The following DLGAP2 variants were observed in gnomAD, a reference collection of about 807,000 sequenced individuals.
DLGAP2 encodes DLG associated protein 2.
A neutral mutation model predicts 100.3 loss-of-function variants in DLGAP2; 26 were observed. The observed-to-expected ratio is 0.26, with a 90% CI of 0.19 to 0.36. DLGAP2 has a LOEUF of 0.36. DLGAP2 is among the 10% of genes least tolerant of loss of function. The probability of loss-of-function intolerance (pLI) is 1.00; values close to 1 mark genes in which losing one functional copy is unlikely to be tolerated. For missense variants in DLGAP2, 1,858 were observed against 1,453.2 expected (o/e 1.28, Z -4.53); for synonymous variants, 886 against 630.1 (o/e 1.41, Z -6.08).
At chr8:1,115,006 A>G (rs1245242935) in intron 2 of DLGAP2, among the ~76,000 whole-genome samples, 1 of 152,130 alleles carries the variant, frequency 6.6e-6, no homozygotes, top group Admixed American at 6.5e-5. Flanking sequence ...CATGGTTTTG[A>G]GTGATTTTCT....
intron 2 of DLGAP2, among the ~76,000 whole-genome samples, chr8:963,038 C>A (rs1485249970): frequency 1.3e-5 from 2 of 152,206 alleles, no homozygotes; most frequent in Admixed American, 1.3e-4. Context: ...TGCTGTGCCC[C>A]TCTCATCCGG....
chr8:864,579 A>G (rs1368610397), intron 1 of DLGAP2, among the ~76,000 whole-genome samples: 1 of 152,186 alleles, frequency 6.6e-6, no homozygotes, highest in Non-Finnish European at 1.5e-5. Context: ...TTATCAAGCT[A>G]CTTCCACATG....
At chr8:1,554,467 C>T (rs950864869) in intron 5 of DLGAP2, among the ~76,000 whole-genome samples, 3 of 152,136 alleles carry the variant, frequency 2.0e-5, no homozygotes, top group Non-Finnish European at 2.9e-5. Flanking sequence ...CACAGGCCCA[C>T]CTCCACATGC....
At chr8:769,855 G>A (rs896919985) in intron 1 of DLGAP2, among the ~76,000 whole-genome samples, 31 of 152,046 alleles carry the variant, frequency 2.0e-4, no homozygotes, top group African/African-American at 7.0e-4. Context: ...GACATGTTAC[G>A]GAAAACATGA....
chr8:750,718 T>G (rs1013337939), intron 1 of DLGAP2, among the ~76,000 whole-genome samples: 1 of 152,252 alleles, frequency 6.6e-6, no homozygotes, highest in Non-Finnish European at 1.5e-5. Flanking sequence ...CCATCTACCA[T>G]GCAGCCCCCA....
At chr8:1,321,135 C>T (rs1173957851) in intron 3 of DLGAP2, among the ~76,000 whole-genome samples, 2 of 151,562 alleles carry the variant, frequency 1.3e-5, no homozygotes, top group African/African-American at 4.9e-5. Flanking sequence ...CCATGTGTCT[C>T]TGCATGTGTG....
At chr8:1,417,566 G>T (rs1257971393) in intron 3 of DLGAP2, among the ~76,000 whole-genome samples, 1 of 146,928 alleles carries the variant, frequency 6.8e-6, no homozygotes, top group Non-Finnish European at 1.5e-5. Context: ...CAGAACAGGG[G>T]AGGAGAGGAG....
At chr8:785,246 A>T (rs2132629836) in intron 1 of DLGAP2, among the ~76,000 whole-genome samples, 1 of 145,012 alleles carries the variant, frequency 6.9e-6, no homozygotes, top group African/African-American at 2.5e-5. Context: ...AAAAAAAAAA[A>T]AAAAAAGGCA....
At chr8:1,281,606 C>A (rs1799814882) in intron 3 of DLGAP2, among the ~76,000 whole-genome samples, 1 of 152,186 alleles carries the variant, frequency 6.6e-6, no homozygotes, top group Admixed American at 6.5e-5. Flanking sequence ...CGTCCTCATT[C>A]TCATTGGGGA....
chr8:1,345,348 T>C (rs1713827082), intron 3 of DLGAP2, among the ~76,000 whole-genome samples: 1 of 151,258 alleles, frequency 6.6e-6, no homozygotes, highest in Non-Finnish European at 1.5e-5. Flanking sequence ...AACACACTTG[T>C]TAGATTTCTT....
At chr8:1,639,725 C>G (rs1409910141) in intron 8 of DLGAP2, among the ~76,000 whole-genome samples, 1 of 152,222 alleles carries the variant, frequency 6.6e-6, no homozygotes, top group Non-Finnish European at 1.5e-5. Context: ...AACATCAGGT[C>G]GTTCTGGAGG....
At chr8:1,448,288 C>G (rs1159271051) in intron 3 of DLGAP2, among the ~76,000 whole-genome samples, 1 of 152,012 alleles carries the variant, frequency 6.6e-6, no homozygotes. Context: ...TATGTTGTGT[C>G]TTTGTTCTCG....
At chr8:1,110,276 G>C (rs1804910121) in intron 2 of DLGAP2, among the ~76,000 whole-genome samples, 2 of 144,918 alleles carry the variant, frequency 1.4e-5, no homozygotes, top group South Asian at 4.5e-4. Flanking sequence ...ACATGTGCTG[G>C]ATCTGTGAGG....
chr8:1,361,020 G>C (rs1340969126), intron 3 of DLGAP2, among the ~76,000 whole-genome samples: 1 of 152,216 alleles, frequency 6.6e-6, no homozygotes, highest in Non-Finnish European at 1.5e-5. Context: ...CCTGAGAAGG[G>C]GAAGGAAACT....
intron 2 of DLGAP2, among the ~76,000 whole-genome samples, chr8:1,169,956 G>T (rs1797094453): frequency 6.6e-6 from 1 of 151,866 alleles, no homozygotes; most frequent in Non-Finnish European, 1.5e-5. Flanking sequence ...TCCCTGTCTT[G>T]TGCCAGTTTT....
chr8:899,488 G>A (rs531527074), intron 1 of DLGAP2, among the ~76,000 whole-genome samples: 7 of 152,322 alleles, frequency 4.6e-5, no homozygotes, highest in Non-Finnish European at 7.4e-5. Context: ...ACTGGCCTGC[G>A]AGAGGCAGAG....
intron 2 of DLGAP2, among the ~76,000 whole-genome samples, chr8:1,044,027 C>T (rs753829088): frequency 1.3e-5 from 2 of 152,100 alleles, no homozygotes; most frequent in East Asian, 1.9e-4. Flanking sequence ...AAACGTGACA[C>T]TTCTCACAGC....
chr8:1,189,010 T>A (rs1265047897), intron 2 of DLGAP2, among the ~76,000 whole-genome samples: 91 of 121,668 alleles, frequency 7.5e-4, no homozygotes, highest in Middle Eastern at 7.9e-3. Flanking sequence ...GGGGTTGACC[T>A]TACACAGGGT....
At chr8:966,565 C>T (rs1213797122) in intron 2 of DLGAP2, among the ~76,000 whole-genome samples, 3 of 152,062 alleles carry the variant, frequency 2.0e-5, no homozygotes, top group Non-Finnish European at 4.4e-5. Flanking sequence ...TAAAAAATGA[C>T]AATGGATGAA....
Sources: allele counts gnomAD v4.1 joint callset (sites outside exome capture counted in the v4.1 genomes callset), GRCh38; gene constraint gnomAD v4.1.1; transcripts MANE v1.5; gene names NCBI Gene and HGNC (gene_info 2026-07-23, HGNC 2026-07-21).